HOXA9: variants seen among roughly 807,000 people sequenced by gnomAD.
HOXA9 encodes homeobox protein Hox-A9.
HOXA9 carries 18 observed loss-of-function variants against 19.0 expected under a neutral mutation model. That is an observed-to-expected ratio of 0.95 (90% CI 0.65 to 1.40). The LOEUF (loss-of-function observed/expected upper bound fraction) is 1.40, where lower values mean the gene tolerates loss of function less well. Ranked by LOEUF, HOXA9 falls within the 40% of genes most tolerant of loss-of-function variation. The pLI is 0.00. For missense variants in HOXA9, 443 were observed against 372.2 expected (o/e 1.19, Z -1.57); for synonymous variants, 198 against 161.1 (o/e 1.23, Z -1.73).
chr7:27,162,843 T>C lies in HOXA9; in HGVS notation c.*760A>G, dbSNP rs186436314. 1.0e-5 allele frequency: 2 copies of C among 199,818 alleles called. No individual in the cohort carries two copies. The highest frequency in any genetic ancestry group is 2.3e-5 in the African/African-American group (1 of 43,432). 12.4% of individuals were successfully genotyped at this position (199,818 alleles called of 1,614,324 possible). On this transcript the variant is annotated 3_prime_UTR_variant, in exon 2 of 2. Transcript: ENST00000343483. ...AGACAAGACAGGACTATATAGATAATGGACAGACTTAAATGCCCGCATTTT... is the reference window on the plus strand; with the variant it reads ...AGACAAGACAGGACTATATAGATAACGGACAGACTTAAATGCCCGCATTTT...
chr7:27,164,758 G>A, intron 1 of HOXA9, 120 bp downstream of exon 1: 1 of 1,460,538 alleles, frequency 6.8e-7, no homozygotes, highest in East Asian at 2.3e-5. Context: ...CTGGCTCCTG[G>A]CCCCAACTCG....
chr7:27,163,539 G>T lies in HOXA9; in HGVS notation c.*64C>A. 1.6e-6 allele frequency: 2 copies of T among 1,288,858 alleles called. No individual in the cohort carries two copies. Among genetic ancestry groups the T allele is most frequent in the South Asian group, 1.3e-5 (1 of 78,630 alleles). 79.8% of individuals were successfully genotyped at this position (1,288,858 alleles called of 1,614,324 possible). ...GTGAGAGAAGGGAGAAGGCGGAAGGGGGACGGACAGTTCTTTCTTTTTCTC... is the reference window on the plus strand; with the variant it reads ...GTGAGAGAAGGGAGAAGGCGGAAGGTGGACGGACAGTTCTTTCTTTTTCTC... On this transcript the variant is annotated 3_prime_UTR_variant, in exon 2 of 2. Transcript: ENST00000343483.
chr7:27,163,734 A>G lies in HOXA9; in HGVS notation c.688T>C (p.Tyr230His). ...ELEKEFLFNM[Y>H]LTRDRRYEVA... is the part of the protein sequence containing the mutation. Reference sequence around the variant, plus strand: ...TCGTACCTGCGGTCCCTGGTGAGGTACATGTTGAACAGAAACTCTTTCTCC... The same window carrying G: ...TCGTACCTGCGGTCCCTGGTGAGGTGCATGTTGAACAGAAACTCTTTCTCC... The change falls in exon 2 of 2, where the codon TAC becomes CAC. Residue 230 changes from tyrosine to histidine, a missense_variant. Tyr to His is a moderately conservative substitution (Grantham distance 83, BLOSUM62 2). Coordinates refer to ENST00000343483, the MANE Select transcript of HOXA9 (RefSeq NM_152739.4). 6.2e-7 allele frequency: 1 copy of G among 1,613,942 alleles called. No homozygotes were observed. Among genetic ancestry groups the G allele is most frequent in the Non-Finnish European group, 8.5e-7 (1 of 1,179,960 alleles).
rs765028183 is a variant in HOXA9 at position 27,163,811 on chromosome 7, C to A, written c.611G>T (p.Arg204Leu). Residue 204 changes from arginine (R) to leucine (L), a missense_variant, in exon 2 of 2, where the codon CGC becomes CTC. Physicochemically the swap from Arg to Leu is moderately radical, Grantham distance 102. Coordinates refer to ENST00000343483, the MANE Select transcript of HOXA9 (RefSeq NM_152739.4). ...GGGGCACCGCTTTTTCCGAGTGGAG[C>A]GCGCATGAAGCCAGTTGGCTGCTGG... Reference protein sequence around the residue: ...NNPAANWLHARSTRKKRCPYT... With the variant: ...NNPAANWLHALSTRKKRCPYT... 1.2e-6 allele frequency: 2 copies of A among 1,613,846 alleles called. No homozygotes were observed. The highest frequency in any genetic ancestry group is 1.3e-5 in the African/African-American group (1 of 74,850).
Position 27,163,651 on chromosome 7 carries a change from G to A in HOXA9, c.771C>T (p.Arg257=), listed in dbSNP as rs771637254. ...TGTTGATTTTCTTCATTTTCATCCTGCGGTTCTGGAACCAGATCTTGACCT... is the reference window on the plus strand; with the variant it reads ...TGTTGATTTTCTTCATTTTCATCCTACGGTTCTGGAACCAGATCTTGACCT... ...ERQVKIWFQN[R]RMKMKKINKD... Residue 257 remains arginine, a synonymous_variant, in exon 2 of 2, where the codon CGC becomes CGT. Transcript: ENST00000343483. 9.9e-6 allele frequency: 16 copies of A among 1,613,462 alleles called. No homozygotes were observed. The South Asian group carries it at 1.6e-4, about 17-fold the overall frequency.
In HOXA9 at chr7:27,162,668, C is replaced by A. The variant is rs565976296; in HGVS notation, c.*935G>T. ...CCGTTACAATCAGCATTCATTTCCT[C>A]CAATTAAAATTAAGCATAAACCCTA... is the stretch of plus-strand genomic sequence containing the variant. On this transcript the variant is annotated 3_prime_UTR_variant, in exon 2 of 2. Coordinates refer to ENST00000343483, the MANE Select transcript of HOXA9 (RefSeq NM_152739.4). 4.7e-6 allele frequency: 1 copy of A among 212,204 alleles called. No individual in the cohort carries two copies. The highest frequency in any genetic ancestry group is 5.9e-5 in the Admixed American group (1 of 17,028). The allele number at this position is 212,204 out of a possible 1,614,324, so 13.1% of individuals were successfully genotyped here.
At position 27,163,846 on chromosome 7, in the gene HOXA9, G is replaced by C; in HGVS notation, c.581-5C>G. ...GCCAGTTGGCTGCTGGGTTATCTGC[G>C]GGGAAGAGAAACACTGGGTTTAGGA... On this transcript the variant is annotated splice_region_variant and splice_polypyrimidine_tract_variant and intron_variant, in intron 1 of 1. Transcript: ENST00000343483. The C allele has an allele frequency of 6.2e-7, 1 of 1,611,944 alleles. No homozygotes were observed. Among genetic ancestry groups the C allele is most frequent in the Non-Finnish European group, 8.5e-7 (1 of 1,178,486 alleles).
At position 27,165,125 on chromosome 7, in the gene HOXA9, C is replaced by G. The variant is rs767704574; in HGVS notation, c.333G>C (p.Trp111Cys). The G allele has an allele frequency of 1.9e-6, 3 of 1,608,078 alleles. No individual in the cohort carries two copies. The highest frequency in any genetic ancestry group is 2.5e-6 in the Non-Finnish European group (3 of 1,177,232). ...AAPDGRYMRS[W>C]LEPTPGALSF... Reference sequence around the variant, plus strand: ...AGAGCGCACCGGGCGTGGGCTCCAGCCAGGAGCGCATGTACCTGCCGTCCG... The same window carrying G: ...AGAGCGCACCGGGCGTGGGCTCCAGGCAGGAGCGCATGTACCTGCCGTCCG... Residue 111 changes from tryptophan (W) to cysteine (C), a missense_variant, in exon 1 of 2, where the codon TGG becomes TGC. Physicochemically the swap from Trp to Cys is radical, Grantham distance 215. Transcript: ENST00000343483.
In HOXA9 at chr7:27,163,424, C is replaced by A; in HGVS notation, c.*179G>T. The A allele has an allele frequency of 1.6e-6, 1 of 637,102 alleles. No homozygotes were observed. 39.5% of individuals were successfully genotyped at this position (637,102 alleles called of 1,614,324 possible). A position where few individuals can be genotyped will look rare whatever the true frequency, so the allele number is the denominator to read the frequency against. The stretch of plus-strand genomic sequence containing the variant: ...CTCCTCCATCAAAGCGGCAGGCCTA[C>A]GAGCCAGCCTGAACAGGGTTTGCCT... On this transcript the variant is annotated 3_prime_UTR_variant, in exon 2 of 2. Coordinates refer to ENST00000343483, the MANE Select transcript of HOXA9 (RefSeq NM_152739.4).
At chr7:27,164,792 G>T in intron 1 of HOXA9, 86 bp downstream of exon 1, 1 of 1,547,800 alleles carries the variant, frequency 6.5e-7, no homozygotes, top group South Asian at 1.2e-5. Flanking sequence ...GAGGACGAAG[G>T]CAGGCTCGAG....
intron 1 of HOXA9, among the ~76,000 whole-genome samples, chr7:27,164,106 C>T: frequency 6.6e-6 from 1 of 152,120 alleles, no homozygotes; most frequent in South Asian, 2.1e-4. Flanking sequence ...CTTCTCCTTC[C>T]TCCCACTCTC....
intron 1 of HOXA9, among the ~76,000 whole-genome samples, chr7:27,164,238 C>T (rs1371411485): frequency 6.6e-6 from 1 of 152,258 alleles, no homozygotes; most frequent in Non-Finnish European, 1.5e-5. Context: ...CTTCGTCTTT[C>T]TTTCCCAACC....
chr7:27,163,347 C>T lies in HOXA9; in HGVS notation c.*256G>A. 8.6e-6 allele frequency: 4 copies of T among 467,794 alleles called. No individual in the cohort carries two copies. The highest frequency in any genetic ancestry group is 1.5e-5 in the Non-Finnish European group (4 of 262,914). 29.0% of individuals were successfully genotyped at this position (467,794 alleles called of 1,614,324 possible). A position where few individuals can be genotyped will look rare whatever the true frequency, so the allele number is the denominator to read the frequency against. ...ACACACACAGCTATCAGCACTAATG[C>T]CCCCCCCTCAACTTTTCCTTTTTCT... On this transcript the variant is annotated 3_prime_UTR_variant, in exon 2 of 2. Transcript: ENST00000343483.
chr7:27,164,613 G>A (rs1783277074), intron 1 of HOXA9, among the ~76,000 whole-genome samples: 1 of 152,252 alleles, frequency 6.6e-6, no homozygotes, highest in African/African-American at 2.4e-5. Context: ...GGGGCGGCCA[G>A]TCTTGGCTCG....
chr7:27,165,473 C>G lies in HOXA9; in HGVS notation c.-16G>C. 6.4e-7 allele frequency: 1 copy of G among 1,563,290 alleles called. No homozygotes were observed. The highest frequency in any genetic ancestry group is 2.4e-5 in the East Asian group (1 of 42,312). On this transcript the variant is annotated 5_prime_UTR_variant, in exon 1 of 2. Coordinates refer to ENST00000343483, the MANE Select transcript of HOXA9 (RefSeq NM_152739.4). ...TGGTGGCCATCACCGTGCCCAGCGC[C>G]TGGCCCGCCCGGCCCGACCCACGGA...
Position 27,164,863 on chromosome 7 carries a change from G to C in HOXA9, c.580+15C>G, listed in dbSNP as rs779621046. On this transcript the variant is annotated intron_variant, in intron 1 of 1. Coordinates refer to ENST00000343483, the MANE Select transcript of HOXA9 (RefSeq NM_152739.4). ...CGTGGAGGCGGCGGCGGATTTGAAGGGAGGAGACACTTACTGGGATCGATG... is the reference window on the plus strand; with the variant it reads ...CGTGGAGGCGGCGGCGGATTTGAAGCGAGGAGACACTTACTGGGATCGATG... 1 of 1,606,418 alleles carries C rather than the reference G, an allele frequency of 6.2e-7. No individual in the cohort carries two copies. The highest frequency in any genetic ancestry group is 8.5e-7 in the Non-Finnish European group (1 of 1,174,572).
chr7:27,163,725 T>C lies in HOXA9; in HGVS notation c.697A>G (p.Arg233Gly), dbSNP rs528875297. 2.5e-6 allele frequency: 4 copies of C among 1,614,008 alleles called. No homozygotes were observed. In the Admixed American group the frequency reaches 5.0e-5, roughly 20 times the overall value. ...KEFLFNMYLT[R>G]DRRYEVARLL... ...CGAGCCACCTCGTACCTGCGGTCCC[T>C]GGTGAGGTACATGTTGAACAGAAAC... Residue 233 changes from arginine to glycine, a missense_variant, in exon 2 of 2, where the codon AGG becomes GGG. Physicochemically the swap from Arg to Gly is moderately radical, Grantham distance 125. Coordinates refer to ENST00000343483, the MANE Select transcript of HOXA9 (RefSeq NM_152739.4).
chr7:27,164,732 T>C, intron 1 of HOXA9, 146 bp downstream of exon 1: 2 of 1,316,602 alleles, frequency 1.5e-6, no homozygotes, highest in South Asian at 1.5e-5. Flanking sequence ...ATCTGAGGCG[T>C]CCCAAACACC....
chr7:27,163,406 A>T lies in HOXA9; in HGVS notation c.*197T>A, dbSNP rs1008824847. ...ATGGAAAGCTTACAATACCTCCTCC[A>T]TCAAAGCGGCAGGCCTACGAGCCAG... is the stretch of plus-strand genomic sequence containing the variant. On this transcript the variant is annotated 3_prime_UTR_variant, in exon 2 of 2. Transcript: ENST00000343483. The T allele has an allele frequency of 1.7e-6, 1 of 605,930 alleles. No individual in the cohort carries two copies. Among genetic ancestry groups the T allele is most frequent in the East Asian group, 2.6e-5 (1 of 38,070 alleles). The allele number at this position is 605,930 out of a possible 1,614,324, so 37.5% of individuals were successfully genotyped here. A position where few individuals can be genotyped will look rare whatever the true frequency, so the allele number is the denominator to read the frequency against.
Sources: gnomAD v4.1 joint callset for allele counts (sites outside exome capture counted in the v4.1 genomes callset) on GRCh38, gnomAD v4.1.1 for gene constraint, MANE v1.5 for transcripts, NCBI Gene and HGNC (gene_info 2026-07-23, HGNC 2026-07-21) for gene names.